The following RRP12 variants were observed in gnomAD, a reference collection of about 807,000 sequenced individuals.
The protein encoded by RRP12 is ribosomal RNA processing 12 homolog, also known as RRP12-like protein.
In RRP12, 78 loss-of-function variants were observed where a neutral mutation model predicts 157.3. The observed-to-expected ratio is 0.50, with a 90% confidence interval of 0.41 to 0.60. The LOEUF (loss-of-function observed/expected upper bound fraction) is 0.60, where lower values mean the gene tolerates loss of function less well. RRP12 is among the 20% of genes least tolerant of loss of function. The pLI is 0.00. For missense variants in RRP12, 1,521 were observed against 1,679.9 expected (o/e 0.91, Z 1.65); for synonymous variants, 726 against 670.9 (o/e 1.08, Z -1.27).
At chr10:97,393,270 G>T in intron 4 of RRP12, 2 of 452,664 alleles carry the variant, frequency 4.4e-6, no homozygotes, top group South Asian at 1.6e-5. Context: ...AAGCACACTT[G>T]ATTCTGTCAT....
At chr10:97,360,012 G>T (rs1046659613) in intron 31 of RRP12, among the ~76,000 whole-genome samples, 1 of 152,226 alleles carries the variant, frequency 6.6e-6, no homozygotes, top group Admixed American at 6.5e-5. Flanking sequence ...GTCCTGCAAG[G>T]CTACCCTGGG....
At chr10:97,398,099 C>T (rs1228115652) in intron 2 of RRP12, among the ~76,000 whole-genome samples, 1 of 70,634 alleles carries the variant, frequency 1.4e-5, no homozygotes, top group Non-Finnish European at 2.4e-5. Flanking sequence ...CCAGGCCGGA[C>T]TGCGGACTGC....
At chr10:97,396,570 T>A (rs957145291) in intron 2 of RRP12, among the ~76,000 whole-genome samples, 1 of 152,192 alleles carries the variant, frequency 6.6e-6, no homozygotes, top group Admixed American at 6.6e-5. Flanking sequence ...AGGATGTTCA[T>A]GGCAGCAACA....
chr10:97,366,394 T>C, intron 28 of RRP12, 52 bp downstream of exon 28: 1 of 1,565,572 alleles, frequency 6.4e-7, no homozygotes, highest in Non-Finnish European at 8.7e-7. Flanking sequence ...CCTGAGAACC[T>C]GGCACCATGG....
chr10:97,388,889 T>G (rs919704221), intron 6 of RRP12, among the ~76,000 whole-genome samples: 18 of 152,152 alleles, frequency 1.2e-4, no homozygotes, highest in Non-Finnish European at 2.9e-5. Flanking sequence ...TTTCTGAGTT[T>G]CAATATCATC....
intron 29 of RRP12, 52 bp downstream of exon 29, chr10:97,366,056 C>T: frequency 6.3e-7 from 1 of 1,599,176 alleles, no homozygotes; most frequent in Non-Finnish European, 8.5e-7. Context: ...CAAGTGATCA[C>T]CGAAGGAATA....
chr10:97,366,085 A>G (rs2133037766), intron 29 of RRP12, 23 bp downstream of exon 29: 1 of 1,600,382 alleles, frequency 6.2e-7, no homozygotes, highest in East Asian at 2.2e-5. Flanking sequence ...CGGTGAATGA[A>G]TGGACAAGCG....
At chr10:97,389,436 G>A (rs1324526652) in intron 6 of RRP12, among the ~76,000 whole-genome samples, 7 of 152,160 alleles carry the variant, frequency 4.6e-5, no homozygotes, top group Admixed American at 3.3e-4. Context: ...AAGTGTCACC[G>A]CAGTGAAGTG....
In RRP12 at chr10:97,370,949, G is replaced by A. The variant is rs377488371; in HGVS notation, c.2476C>T (p.Arg826Trp). Residue 826 changes from arginine (R) to tryptophan (W), a missense_variant, in exon 21 of 34, where the codon CGG (arginine) becomes TGG (tryptophan). Physicochemically the swap from Arg to Trp is moderately radical, Grantham distance 101 (BLOSUM62 -3). Transcript: ENST00000370992. ...CTCTTGGCGGGTGAGGAGGTGCTCCGCAGCGAGTCCAGCAGTGTCTTCTTC... is the reference window on the plus strand; with the variant it reads ...CTCTTGGCGGGTGAGGAGGTGCTCCACAGCGAGTCCAGCAGTGTCTTCTTC... ...DLKKTLLDSL[R>W]STSSPAKRPR... The A allele has an allele frequency of 2.2e-5, 36 of 1,613,852 alleles. No homozygotes were observed. The African/African-American group carries it at 2.8e-4, about 13-fold the overall frequency.
chr10:97,372,923 T>C, intron 18 of RRP12, 120 bp from the exon 19 acceptor site: 2 of 1,431,436 alleles, frequency 1.4e-6, no homozygotes, highest in South Asian at 1.2e-5. Flanking sequence ...AAGCCATGAC[T>C]GCTGGTATGT....
intron 31 of RRP12, 72 bp from the exon 32 acceptor site, chr10:97,359,082 C>T: frequency 1.7e-6 from 2 of 1,180,282 alleles, no homozygotes; most frequent in Non-Finnish European, 2.5e-6. Context: ...AATGGGCACC[C>T]TCTCTGAGAG....
At chr10:97,381,613 C>A in intron 11 of RRP12, 102 bp downstream of exon 11, 1 of 1,243,096 alleles carries the variant, frequency 8.0e-7, no homozygotes, top group Non-Finnish European at 1.1e-6. Context: ...TGAGAGCGGC[C>A]TCTCTGGGCC....
At chr10:97,383,608 C>T (rs1844530178) in intron 10 of RRP12, among the ~76,000 whole-genome samples, 1 of 152,228 alleles carries the variant, frequency 6.6e-6, no homozygotes, top group African/African-American at 2.4e-5. Context: ...CAACTGGTTA[C>T]TGTATACTGT....
intron 20 of RRP12, chr10:97,371,840 A>C (rs1844164172): frequency 2.2e-6 from 1 of 455,678 alleles, no homozygotes; most frequent in Admixed American, 3.3e-5. Context: ...TTGGTTCTAC[A>C]AGAGTCACTC....
chr10:97,375,594 A>G (rs886986527), intron 15 of RRP12, among the ~76,000 whole-genome samples: 1 of 152,222 alleles, frequency 6.6e-6, no homozygotes, highest in Non-Finnish European at 1.5e-5. Context: ...AAGGGAATAC[A>G]TAACATCAGC....
chr10:97,382,903 AG>A (rs923712802), intron 10 of RRP12, among the ~76,000 whole-genome samples: 2 of 152,092 alleles, frequency 1.3e-5, no homozygotes, highest in African/African-American at 4.8e-5. Flanking sequence ...CTGGGATTAC[AG>A]GTGTGTACCA....
At chr10:97,378,301 T>C (rs1344510835) in intron 15 of RRP12, among the ~76,000 whole-genome samples, 1 of 152,114 alleles carries the variant, frequency 6.6e-6, no homozygotes, top group African/African-American at 2.4e-5. Context: ...ATAGAGTGTA[T>C]TTACAAAAAC....
Position 97,388,350 on chromosome 10 carries a change from T to A in RRP12, c.919A>T (p.Met307Leu), listed in dbSNP as rs1390545579. Residue 307 changes from methionine to leucine, a missense_variant, in exon 8 of 34, where the codon ATG (methionine) becomes TTG (leucine). Met to Leu is a conservative substitution (Grantham distance 15). Coordinates refer to ENST00000370992, the MANE Select transcript of RRP12 (RefSeq NM_015179.4). ...GSKEATTTLHMLTLLKDLLPC... is the reference protein window; with the variant it reads ...GSKEATTTLHLLTLLKDLLPC... Reference sequence around the variant, plus strand: ...AGCAGGTCCTTCAGCAGCGTCAGCATGTGCAGCGTGGTGGTGGCCTCCTTG... The same window carrying A: ...AGCAGGTCCTTCAGCAGCGTCAGCAAGTGCAGCGTGGTGGTGGCCTCCTTG... The A allele has an allele frequency of 1.9e-6, 3 of 1,613,830 alleles. No individual in the cohort carries two copies. The highest frequency in any genetic ancestry group is 2.5e-6 in the Non-Finnish European group (3 of 1,179,996).
intron 25 of RRP12, among the ~76,000 whole-genome samples, chr10:97,367,677 G>A (rs1483672192): frequency 1.3e-5 from 2 of 152,138 alleles, no homozygotes; most frequent in African/African-American, 4.8e-5. Context: ...ACATGTGCAG[G>A]TGGCAGATCT....
Sources: gnomAD v4.1 joint callset for allele counts (sites outside exome capture counted in the v4.1 genomes callset) on GRCh38, gnomAD v4.1.1 for gene constraint, MANE v1.5 for transcripts, NCBI Gene and HGNC (gene_info 2026-07-23, HGNC 2026-07-21) for gene names.